NEGR1: variants seen among roughly 807,000 people sequenced by gnomAD.
NEGR1 encodes neuronal growth regulator 1, also known as IgLON family member 4.
In NEGR1, 10 loss-of-function variants were observed where a neutral mutation model predicts 40.9. The observed-to-expected ratio is 0.24, with a 90% CI of 0.15 to 0.42. The LOEUF (loss-of-function observed/expected upper bound fraction) is 0.42, where lower values mean the gene tolerates loss of function less well. Among genes scored for constraint, NEGR1 ranks in the 10% least tolerant of loss-of-function variants. NEGR1 has a pLI of 1.00. For missense variants in NEGR1, 352 were observed against 438.9 expected, an observed-to-expected ratio of 0.80 and a Z score of 1.77; for synonymous variants, 185 against 166.8, an observed-to-expected ratio of 1.11 and a Z score of -0.84.
At chr1:71,415,322 T>C (rs1646348113) in intron 6 of NEGR1, among the ~76,000 whole-genome samples, 1 of 152,088 alleles carries the variant, frequency 6.6e-6, no homozygotes, top group African/African-American at 2.4e-5. Context: ...TAGTGGCATT[T>C]TTCTGCCAAC....
intron 1 of NEGR1, among the ~76,000 whole-genome samples, chr1:71,936,946 A>G (rs1310447282): frequency 1.3e-5 from 2 of 152,242 alleles, no homozygotes; most frequent in African/African-American, 4.8e-5. Flanking sequence ...TTAAATGAGT[A>G]CAAAGCACAG....
intron 1 of NEGR1, among the ~76,000 whole-genome samples, chr1:72,163,879 A>G (rs1651680254): frequency 6.6e-6 from 1 of 152,108 alleles, no homozygotes; most frequent in South Asian, 2.1e-4. Flanking sequence ...AATACAAAAT[A>G]AGAATGGTAT....
chr1:72,281,787 G>A (rs1656262682), intron 1 of NEGR1, among the ~76,000 whole-genome samples: 1 of 152,048 alleles, frequency 6.6e-6, no homozygotes. Context: ...AGGAGGTGGG[G>A]AAAATGGTAT....
rs369528127 is a variant in NEGR1, at chr1:71,928,027, T to C, written c.409+7052A>G. ...AAAAATAAATAAATAAATAAATAAA[T>C]ACACACACACACACACACACACGTA... On this transcript the variant is annotated intron_variant, in intron 2 of 6. Coordinates refer to ENST00000357731, the MANE Select transcript of NEGR1 (RefSeq NM_173808.3). Among the ~76,000 whole-genome samples, 175 of 77,456 alleles carry C rather than the reference T, an allele frequency of 2.3e-3. 3 individuals are homozygous for C. The highest frequency in any genetic ancestry group is 7.7e-3 in the Middle Eastern group (1 of 130). The allele number at this position is 77,456 out of a possible 152,430, so 50.8% of individuals were successfully genotyped here.
intron 2 of NEGR1, among the ~76,000 whole-genome samples, chr1:71,783,222 AT>A (rs766845578): frequency 1.4e-4 from 22 of 152,088 alleles, no homozygotes; most frequent in Non-Finnish European, 2.2e-4. Context: ...ATATCTGGTA[AT>A]GGCTGGCAAT....
chr1:72,079,047 C>A (rs1347457183), intron 1 of NEGR1, among the ~76,000 whole-genome samples: 1 of 146,140 alleles, frequency 6.8e-6, no homozygotes, highest in African/African-American at 2.5e-5. Flanking sequence ...AACAAATGAG[C>A]AAATTTAATA....
intron 3 of NEGR1, chr1:71,703,413 A>G (rs1653765911): frequency 1.3e-5 from 2 of 152,028 alleles, no homozygotes; most frequent in Admixed American, 6.5e-5. Flanking sequence ...AATTTTAAAA[A>G]TGACTAAACA....
intron 1 of NEGR1, among the ~76,000 whole-genome samples, chr1:72,064,645 G>T (rs1647232251): frequency 6.6e-6 from 1 of 152,088 alleles, no homozygotes; most frequent in Middle Eastern, 3.4e-3. Flanking sequence ...GTTTCAAAAG[G>T]ATATGCTCTA....
intron 1 of NEGR1, among the ~76,000 whole-genome samples, chr1:72,255,346 C>G (rs1204576932): frequency 6.6e-6 from 1 of 151,932 alleles, no homozygotes; most frequent in Non-Finnish European, 1.5e-5. Context: ...TTATTTTATG[C>G]CAAGCAACAC....
intron 1 of NEGR1, among the ~76,000 whole-genome samples, chr1:72,257,065 G>A (rs1655293880): frequency 6.6e-6 from 1 of 152,128 alleles, no homozygotes; most frequent in Admixed American, 6.5e-5. Flanking sequence ...GCTCACGCCT[G>A]TAATCCCAGC....
rs552927290 is a variant in NEGR1, at chr1:71,947,599, T to C, written c.177-12288A>G. 2.6e-5 allele frequency among the ~76,000 whole-genome samples: 4 copies of C among 152,330 alleles called. No homozygotes were observed. The East Asian group carries it at 7.7e-4, about 29-fold the overall frequency. On this transcript the variant is annotated intron_variant, in intron 1 of 6. Transcript: ENST00000357731. ...ATTTAGCAACCTCTAGATATTGTTT[T>C]AACATCAACATTTTAAATAGCCTCT...
intron 1 of NEGR1, among the ~76,000 whole-genome samples, chr1:71,967,755 C>T (rs576433163): frequency 2.6e-5 from 4 of 152,014 alleles, no homozygotes; most frequent in South Asian, 2.1e-4. Context: ...GTAAATAATC[C>T]GGAAGCACTA....
intron 1 of NEGR1, among the ~76,000 whole-genome samples, chr1:72,155,779 A>G (rs1321923698): frequency 6.6e-6 from 1 of 152,128 alleles, no homozygotes; most frequent in East Asian, 1.9e-4. Flanking sequence ...AATGGGGATG[A>G]CGACAAGTAC....
chr1:72,067,622 T>C (rs1336177840), intron 1 of NEGR1, among the ~76,000 whole-genome samples: 1 of 152,108 alleles, frequency 6.6e-6, no homozygotes, highest in Non-Finnish European at 1.5e-5. Flanking sequence ...TGTGCTCTAG[T>C]TTGTCAATTT....
chr1:71,532,526 T>G (rs1647387445), intron 6 of NEGR1, among the ~76,000 whole-genome samples: 2 of 151,600 alleles, frequency 1.3e-5, no homozygotes, highest in South Asian at 4.1e-4. Context: ...TAGTAAATAG[T>G]TTTTTAATAG....
At chr1:72,021,554 G>T (rs1646756794) in intron 1 of NEGR1, among the ~76,000 whole-genome samples, 1 of 151,840 alleles carries the variant, frequency 6.6e-6, no homozygotes, top group Non-Finnish European at 1.5e-5. Context: ...AATGAAAAAA[G>T]AAACATAATT....
Position 71,945,001 on chromosome 1 carries a change from CT to C in NEGR1, c.177-9691del, listed in dbSNP as rs527334503. ...AAAAAATTAATGTTTTTTTAAACAG[CT>C]TCCTGTAAAAAAATTAAACTTTATA... On this transcript the variant is annotated intron_variant, in intron 1 of 6. Coordinates refer to ENST00000357731, the MANE Select transcript of NEGR1 (RefSeq NM_173808.3). Among the ~76,000 whole-genome samples, 42 of 152,066 alleles carry C rather than the reference CT, an allele frequency of 2.8e-4. No homozygotes were observed. The South Asian group carries it at 7.7e-3, about 28-fold the overall frequency.
chr1:71,789,189 T>C (rs530152387), intron 2 of NEGR1, among the ~76,000 whole-genome samples: 11 of 152,270 alleles, frequency 7.2e-5, no homozygotes, highest in African/African-American at 2.2e-4. Context: ...TGGCTGTAAC[T>C]GAACTACTTA....
At chr1:71,969,351 T>C (rs1035012311) in intron 1 of NEGR1, among the ~76,000 whole-genome samples, 13 of 152,186 alleles carry the variant, frequency 8.5e-5, no homozygotes, top group African/African-American at 3.1e-4. Flanking sequence ...AGCGTGCATA[T>C]ACCATCATGT....
Sources: gnomAD v4.1 joint callset for allele counts (sites outside exome capture counted in the v4.1 genomes callset) on GRCh38, gnomAD v4.1.1 for gene constraint, MANE v1.5 for transcripts, NCBI Gene and HGNC (gene_info 2026-07-23, HGNC 2026-07-21) for gene names.